MYO1F: variants seen among roughly 807,000 people sequenced by gnomAD.
MYO1F encodes myosin IF, also known as unconventional myosin-If.
Under a neutral mutation model 146.6 loss-of-function variants are expected in MYO1F, and 60 were observed. The observed-to-expected ratio is 0.41, with a 90% CI of 0.33 to 0.51. MYO1F has a LOEUF of 0.51. Ranked by LOEUF, MYO1F falls within the 20% of genes least tolerant of loss-of-function variation. MYO1F has a pLI of 0.25. For synonymous variants in MYO1F, 602 were observed against 602.1 expected (o/e 1.00, Z 0.00); for missense variants, 1,274 against 1,534.3 (o/e 0.83, Z 2.83).
intron 24 of MYO1F, among the ~76,000 whole-genome samples, chr19:8,525,983 G>A (rs926999134): frequency 6.6e-6 from 1 of 151,878 alleles, no homozygotes; most frequent in African/African-American, 2.4e-5. Context: ...CCATGGCCAC[G>A]TCCCTCCTCC....
intron 1 of MYO1F, among the ~76,000 whole-genome samples, chr19:8,564,773 T>G (rs1304547566): frequency 6.6e-6 from 1 of 151,404 alleles, no homozygotes; most frequent in African/African-American, 2.4e-5. Context: ...TTTCCTGTTT[T>G]TTTTTTGTTG....
intron 1 of MYO1F, among the ~76,000 whole-genome samples, chr19:8,561,518 CTCTT>C (rs988975219): frequency 2.8e-5 from 4 of 142,184 alleles, no homozygotes; most frequent in Non-Finnish European, 4.6e-5. Context: ...TCATTCTTCT[CTCTT>C]TCTCTCTTCT....
rs566320889 is a variant in MYO1F, at chr19:8,535,740, C to T, written c.2043+512G>A. 3.0e-3 allele frequency among the ~76,000 whole-genome samples: 452 copies of T among 151,360 alleles called. 4 individuals carry two copies. The highest frequency in any genetic ancestry group is 0.01 in the African/African-American group (418 of 41,190). On this transcript the variant is annotated intron_variant, in intron 19 of 27. Coordinates refer to ENST00000644032, the MANE Select transcript of MYO1F (RefSeq NM_012335.4). Reference sequence around the variant, plus strand: ...TGTCGCCCAGGCTGGAGTGCAGTGGCGTGATCTCGGCTCACTGCAACCTCT... The same window carrying T: ...TGTCGCCCAGGCTGGAGTGCAGTGGTGTGATCTCGGCTCACTGCAACCTCT...
rs1282435228 is a variant in MYO1F at position 8,543,744 on chromosome 19, CTGGTGGTGGTGG to C, written c.1524+541_1524+552del. The stretch of plus-strand genomic sequence containing the variant: ...GGTGGTGCTGGTGGTGCTGGTGGTG[CTGGTGGTGGTGG>C]TGGTGGTGGTGCTGGTGGTGCTGGT... On this transcript the variant is annotated intron_variant, in intron 14 of 27. Transcript: ENST00000644032. Among the ~76,000 whole-genome samples the C allele has an allele frequency of 5.1e-3, 50 of 9,832 alleles. 6 individuals are homozygous for C. The highest frequency in any genetic ancestry group is 0.016 in the African/African-American group (32 of 1,984). The allele number at this position is 9,832 out of a possible 152,430, so 6.5% of individuals were successfully genotyped here.
intron 1 of MYO1F, among the ~76,000 whole-genome samples, chr19:8,559,951 A>AG (rs1251820107): frequency 1.3e-4 from 9 of 70,986 alleles, no homozygotes; most frequent in East Asian, 1.2e-3. Context: ...ACTCCATCTC[A>AG]GAAAAAAAAA....
chr19:8,534,478 TG>T (rs1395595622), intron 19 of MYO1F, among the ~76,000 whole-genome samples: 1 of 151,424 alleles, frequency 6.6e-6, no homozygotes, highest in Non-Finnish European at 1.5e-5. Flanking sequence ...CGGCTTATTT[TG>T]TATTTTTAGT....
intron 21 of MYO1F, among the ~76,000 whole-genome samples, chr19:8,528,477 G>A (rs1972356091): frequency 6.6e-6 from 1 of 152,130 alleles, no homozygotes. Context: ...GCAGTGAGCC[G>A]AGGTTGTGCC....
At chr19:8,562,632 T>G (rs1403949490) in intron 1 of MYO1F, among the ~76,000 whole-genome samples, 1 of 151,704 alleles carries the variant, frequency 6.6e-6, no homozygotes, top group Admixed American at 6.6e-5. Context: ...ACGTCCAGGC[T>G]CAAGTGATCC....
In MYO1F at chr19:8,560,482, T is replaced by C. The variant is rs1600027305; in HGVS notation, c.4-4686A>G. Among the ~76,000 whole-genome samples the C allele has an allele frequency of 2.5e-5, 3 of 121,774 alleles. No homozygotes were observed. In the Middle Eastern group the frequency reaches 0.011, roughly 465 times the overall value. The allele number at this position is 121,774 out of a possible 152,430, so 79.9% of individuals were successfully genotyped here. A position where few individuals can be genotyped will look rare whatever the true frequency, so the allele number is the denominator to read the frequency against. ...CCTGGGCAAACATAGCGAGACTTGGTCTTAAAAAAAGGAAAAAAAAAAAAG... is the reference window on the plus strand; with the variant it reads ...CCTGGGCAAACATAGCGAGACTTGGCCTTAAAAAAAGGAAAAAAAAAAAAG... On this transcript the variant is annotated intron_variant, in intron 1 of 27. Coordinates refer to ENST00000644032, the MANE Select transcript of MYO1F (RefSeq NM_012335.4).
chr19:8,551,036 T>C (rs2013882), intron 8 of MYO1F, among the ~76,000 whole-genome samples: 59,425 of 147,712 alleles, frequency 0.4, 13,604 homozygotes, highest in East Asian at 0.59. Context: ...GTGAGCGTCG[T>C]GTCCGGACTG....
Position 8,551,751 on chromosome 19 carries a change from C to G in MYO1F, c.760G>C (p.Gly254Arg), listed in dbSNP as rs1180476765. Residue 254 changes from glycine (G) to arginine (R), a missense_variant, in exon 8 of 28, where the codon GGT becomes CGT. Gly to Arg is a moderately radical substitution (Grantham distance 125). Around this residue, in one of 2 missense-constraint regions of MYO1F, gnomAD observed 900 missense variants for 1,155.1 expected, o/e 0.78. Coordinates refer to ENST00000644032, the MANE Select transcript of MYO1F (RefSeq NM_012335.4). The part of the protein sequence containing the change: ...VDGTDDRSDF[G>R]ETLSAMQVIG... ...AGGCCGGTGCTCACCAGAGTCTCAC[C>G]AAAGTCGCTTCTGTCGTCCGTGCCG... is the stretch of plus-strand genomic sequence containing the variant. The G allele has an allele frequency of 6.2e-7, 1 of 1,614,138 alleles. No individual in the cohort carries two copies. Among genetic ancestry groups the G allele is most frequent in the Non-Finnish European group, 8.5e-7 (1 of 1,180,032 alleles).
At chr19:8,542,514 G>T (rs925382601) in intron 14 of MYO1F, among the ~76,000 whole-genome samples, 26 of 152,044 alleles carry the variant, frequency 1.7e-4, no homozygotes, top group Non-Finnish European at 2.5e-4. Context: ...GCTACCAAAG[G>T]TTAGGGCCCT....
Position 8,543,750 on chromosome 19 carries a change from G to A in MYO1F, c.1524+547C>T, listed in dbSNP as rs867484336. Among the ~76,000 whole-genome samples the A allele has an allele frequency of 5.4e-4, 5 of 9,288 alleles. 1 individual carries two copies. Among genetic ancestry groups the A allele is most frequent in the African/African-American group, 3.0e-3 (5 of 1,658 alleles). 6.1% of individuals were successfully genotyped at this position (9,288 alleles called of 152,430 possible). A position where few individuals can be genotyped will look rare whatever the true frequency, so the allele number is the denominator to read the frequency against. The stretch of plus-strand genomic sequence containing the variant: ...GCTGGTGGTGCTGGTGGTGCTGGTG[G>A]TGGTGGTGGTGGTGGTGCTGGTGGT... On this transcript the variant is annotated intron_variant, in intron 14 of 27. Coordinates refer to ENST00000644032, the MANE Select transcript of MYO1F (RefSeq NM_012335.4).
intron 10 of MYO1F, 121 bp downstream of exon 10, chr19:8,550,039 A>T: frequency 8.7e-7 from 1 of 1,153,712 alleles, no homozygotes; most frequent in Non-Finnish European, 1.3e-6. Flanking sequence ...GCCTCAAAGA[A>T]TGCTCCCAAC....
chr19:8,565,544 AAATAAT>A (rs755973380), intron 1 of MYO1F, among the ~76,000 whole-genome samples: 6 of 151,810 alleles, frequency 4.0e-5, no homozygotes, highest in African/African-American at 1.4e-4. Flanking sequence ...CTCTGTCTCG[AAATAAT>A]AATAATAATA....
Position 8,574,597 on chromosome 19 carries a change from CTTTCTTTCTTTCTTTCTT to C in MYO1F, c.3+2692_3+2709del, listed in dbSNP as rs781977059. Among the ~76,000 whole-genome samples, 529 of 64,918 alleles carry C rather than the reference CTTTCTTTCTTTCTTTCTT, an allele frequency of 8.1e-3. 5 individuals carry two copies. Among genetic ancestry groups the C allele is most frequent in the African/African-American group, 0.02 (336 of 16,922 alleles). 42.6% of individuals were successfully genotyped at this position (64,918 alleles called of 152,430 possible). On this transcript the variant is annotated intron_variant, in intron 1 of 27. Transcript: ENST00000644032. ...TTTCTTTCTCTCTCTCTCTCTCTCT[CTTTCTTTCTTTCTTTCTT>C]TCTTTCTTTCTTTCTTTCTTTCTTT...
At chr19:8,541,706 G>A in intron 15 of MYO1F, 200 bp downstream of exon 15, 1 of 617,728 alleles carries the variant, frequency 1.6e-6, no homozygotes, top group East Asian at 2.9e-5. Flanking sequence ...TGGGATTACA[G>A]GCGTGAGCCA....
intron 1 of MYO1F, among the ~76,000 whole-genome samples, chr19:8,564,316 G>C (rs370246382): frequency 1.9e-4 from 29 of 152,258 alleles, no homozygotes; most frequent in African/African-American, 7.0e-4. Flanking sequence ...AGGAGGCAGA[G>C]GTTGCAGTGA....
chr19:8,567,628 A>G (rs1024352280), intron 1 of MYO1F, among the ~76,000 whole-genome samples: 3 of 152,178 alleles, frequency 2.0e-5, no homozygotes, highest in African/African-American at 7.2e-5. Flanking sequence ...AAGTGCTGGG[A>G]TTATAGGCGT....
Sources: gnomAD v4.1 joint callset for allele counts (sites outside exome capture counted in the v4.1 genomes callset) on GRCh38, gnomAD v4.1.1 for gene constraint, gnomAD v4.1.1 regional missense constraint, MANE v1.5 for transcripts, NCBI Gene and HGNC (gene_info 2026-07-23, HGNC 2026-07-21) for gene names.